ARIH1: variants seen among roughly 807,000 people sequenced by gnomAD.
ARIH1 encodes the protein ariadne RBR E3 ubiquitin protein ligase 1.
Under a neutral mutation model 85.0 loss-of-function variants are expected in ARIH1, and 8 were observed. That is an observed-to-expected ratio of 0.09 (90% confidence interval 0.06 to 0.17). The LOEUF is 0.17. ARIH1 is among the 10% of genes least tolerant of loss of function. ARIH1 has a pLI of 1.00. For missense variants in ARIH1, 311 were observed against 718.1 expected (o/e 0.43, Z 6.48); for synonymous variants, 238 against 253.6 (o/e 0.94, Z 0.59).
intron 2 of ARIH1, among the ~76,000 whole-genome samples, chr15:72,538,423 T>A (rs1260985162): frequency 6.6e-6 from 1 of 152,244 alleles, no homozygotes; most frequent in African/African-American, 2.4e-5. Context: ...TATCTTTAAA[T>A]TGGTTTTACA....
At chr15:72,512,778 G>A (rs2063956102) in intron 1 of ARIH1, among the ~76,000 whole-genome samples, 1 of 151,686 alleles carries the variant, frequency 6.6e-6, no homozygotes. Flanking sequence ...CTTGGATTTA[G>A]CAAAAGATGG....
At position 72,562,124 on chromosome 15, in the gene ARIH1, A is replaced by G. The variant is rs532747627; in HGVS notation, c.804+575A>G. Among the ~76,000 whole-genome samples, 5 of 152,194 alleles carry G rather than the reference A, an allele frequency of 3.3e-5. No homozygotes were observed. The South Asian group carries it at 1.0e-3, about 32-fold the overall frequency. On this transcript the variant is annotated intron_variant, in intron 6 of 13. Transcript: ENST00000379887. ...AGCTGAGAATTGTAGTAGATTACTA[A>G]TCGTGTCATGTTTAATCATGTTTGA...
chr15:72,549,877 A>G (rs1329007000), intron 3 of ARIH1, among the ~76,000 whole-genome samples: 3 of 152,136 alleles, frequency 2.0e-5, no homozygotes, highest in Non-Finnish European at 2.9e-5. Flanking sequence ...ATAAACAGGG[A>G]TAAGTTTAGT....
chr15:72,486,674 T>C (rs1368871134), intron 1 of ARIH1, among the ~76,000 whole-genome samples: 4 of 150,442 alleles, frequency 2.7e-5, no homozygotes, highest in Non-Finnish European at 5.9e-5. Flanking sequence ...ACTTTTTTTT[T>C]TTTTCATTTT....
Position 72,586,869 on chromosome 15 carries a change from T to C in ARIH1, c.*3577T>C, listed in dbSNP as rs1000923680. The C allele has an allele frequency of 6.2e-6, 1 of 160,700 alleles. No individual in the cohort carries two copies. Among genetic ancestry groups the C allele is most frequent in the African/African-American group, 2.4e-5 (1 of 41,494 alleles). 10.0% of individuals were successfully genotyped at this position (160,700 alleles called of 1,614,324 possible). On this transcript the variant is annotated 3_prime_UTR_variant, in exon 14 of 14. Transcript: ENST00000379887. ...GCCACTTTTTTTAAAGAAAATACTT[T>C]AAAAGTCATTCTTAGCTAACCTCAA... is the stretch of plus-strand genomic sequence containing the variant.
At chr15:72,578,470 T>C (rs2064281384) in intron 11 of ARIH1, among the ~76,000 whole-genome samples, 2 of 152,082 alleles carry the variant, frequency 1.3e-5, no homozygotes, top group Admixed American at 1.3e-4. Context: ...TCTGTAAGAG[T>C]TTGTGTGCAT....
chr15:72,593,059 C>T lies in ARIH1; in HGVS notation c.*9767C>T, dbSNP rs2064349280. The T allele has an allele frequency of 6.6e-6, 1 of 152,186 alleles. No individual in the cohort carries two copies. The highest frequency in any genetic ancestry group is 1.5e-5 in the Non-Finnish European group (1 of 68,000). 9.4% of individuals were successfully genotyped at this position (152,186 alleles called of 1,614,324 possible). A position where few individuals can be genotyped will look rare whatever the true frequency, so the allele number is the denominator to read the frequency against. On this transcript the variant is annotated 3_prime_UTR_variant, in exon 14 of 14. Transcript: ENST00000379887. Reference sequence around the variant, plus strand: ...ATGTATGAGAGTTACAGTTGCTTCACATGTCTGTCAACATTTACACTGTCA... The same window carrying T: ...ATGTATGAGAGTTACAGTTGCTTCATATGTCTGTCAACATTTACACTGTCA...
chr15:72,544,894 G>A lies in ARIH1; in HGVS notation c.518G>A (p.Arg173His), dbSNP rs969696237. 6.2e-7 allele frequency: 1 copy of A among 1,613,626 alleles called. No homozygotes were observed. Among genetic ancestry groups the A allele is most frequent in the Non-Finnish European group, 8.5e-7 (1 of 1,179,636 alleles). The part of the protein sequence containing the change: ...VINPSKKSRT[R>H]QMNTRSSAQD... ...AATCCAAGTAAAAAGTCTCGAACAC[G>A]CCAGATGAATACAAGGTCATCAGCA... Residue 173 changes from arginine (R) to histidine (H), a missense_variant, in exon 3 of 14, where the codon CGC becomes CAC. Arg to His is a conservative substitution (Grantham distance 29). Around this residue, in one of 3 missense-constraint regions of ARIH1, gnomAD observed 104 missense variants for 221.4 expected, o/e 0.47. Coordinates refer to ENST00000379887, the MANE Select transcript of ARIH1 (RefSeq NM_005744.5).
At position 72,474,712 on chromosome 15, in the gene ARIH1, G is replaced by C. The variant is rs1327083729; in HGVS notation, c.73G>C (p.Glu25Gln). The C allele has an allele frequency of 1.3e-6, 2 of 1,525,876 alleles. No homozygotes were observed. Among genetic ancestry groups the C allele is most frequent in the Non-Finnish European group, 1.8e-6 (2 of 1,134,672 alleles). The allele number at this position is 1,525,876 out of a possible 1,614,324, so 94.5% of individuals were successfully genotyped here. ...GTGCAGTGAGGAGGACAGCGGCGCCGAGGAGGAGGAGGACGAAGACGACGA... is the reference window on the plus strand; with the variant it reads ...GTGCAGTGAGGAGGACAGCGGCGCCCAGGAGGAGGAGGACGAAGACGACGA... The part of the protein sequence containing the change: ...EECSEEDSGA[E>Q]EEEDEDDDEP... The change falls in exon 1 of 14, where the codon GAG becomes CAG. Residue 25 changes from glutamate (E) to glutamine (Q), a missense_variant. Coordinates refer to ENST00000379887, the MANE Select transcript of ARIH1 (RefSeq NM_005744.5).
chr15:72,506,732 G>A (rs528594831), intron 1 of ARIH1, among the ~76,000 whole-genome samples: 2 of 152,126 alleles, frequency 1.3e-5, no homozygotes, highest in South Asian at 4.1e-4. Context: ...GAGGTTTAAG[G>A]TGGTGCCTCT....
In ARIH1 at chr15:72,582,451, G is replaced by T. The variant is rs952258769; in HGVS notation, c.1589+264G>T. 3.9e-5 allele frequency among the ~76,000 whole-genome samples: 6 copies of T among 152,108 alleles called. No homozygotes were observed. The highest frequency in any genetic ancestry group is 9.7e-5 in the African/African-American group (4 of 41,444). ...TAGTTGCTACCTTGCAAGGAAGAAA[G>T]AATCCAAAAAGGCCAAGTGGCCTTT... On this transcript the variant is annotated intron_variant, in intron 13 of 13. Transcript: ENST00000379887. The surrounding 1 kb of genome is among the most constrained non-coding windows in gnomAD (Gnocchi z 4.6).
intron 2 of ARIH1, among the ~76,000 whole-genome samples, chr15:72,537,435 C>T (rs908880444): frequency 6.6e-6 from 1 of 152,092 alleles, no homozygotes; most frequent in East Asian, 1.9e-4. Flanking sequence ...AAATAGTGCT[C>T]CAAACCCTCA....
intron 2 of ARIH1, among the ~76,000 whole-genome samples, chr15:72,535,098 C>T (rs1358262452): frequency 6.7e-6 from 1 of 150,364 alleles, no homozygotes; most frequent in Non-Finnish European, 1.5e-5. Flanking sequence ...ACTACAGGCG[C>T]CCGCCACCTC....
intron 1 of ARIH1, among the ~76,000 whole-genome samples, chr15:72,496,180 A>G (rs1357612784): frequency 2.6e-5 from 4 of 152,166 alleles, no homozygotes; most frequent in African/African-American, 4.8e-5. Flanking sequence ...TTGGGATTAC[A>G]AGCTTGAGCC....
intron 1 of ARIH1, among the ~76,000 whole-genome samples, chr15:72,508,196 G>A (rs1272408465): frequency 2.0e-5 from 3 of 152,210 alleles, no homozygotes; most frequent in Admixed American, 6.5e-5. Context: ...TAGACAAGAT[G>A]TAAGGTTTTA....
At chr15:72,567,241 G>A in intron 9 of ARIH1, 64 bp downstream of exon 9, 1 of 1,357,544 alleles carries the variant, frequency 7.4e-7, no homozygotes, top group Non-Finnish European at 1.0e-6. Flanking sequence ...TTTGGCATTA[G>A]CAAAAGCAAT....
rs1040270648 is a variant in ARIH1 at position 72,488,186 on chromosome 15, C to T, written c.375+13172C>T. 2.6e-5 allele frequency among the ~76,000 whole-genome samples: 4 copies of T among 152,116 alleles called. No homozygotes were observed. In the South Asian group the frequency reaches 6.2e-4, roughly 24 times the overall value. ...GAGTAGCTGGGACTACAGTTGCATGCCACTACACCTGGCTAATTTTTTGTA... is the reference window on the plus strand; with the variant it reads ...GAGTAGCTGGGACTACAGTTGCATGTCACTACACCTGGCTAATTTTTTGTA... On this transcript the variant is annotated intron_variant, in intron 1 of 13. Coordinates refer to ENST00000379887, the MANE Select transcript of ARIH1 (RefSeq NM_005744.5).
chr15:72,552,351 G>A (rs556589400), intron 3 of ARIH1, among the ~76,000 whole-genome samples: 1 of 152,122 alleles, frequency 6.6e-6, no homozygotes, highest in South Asian at 2.1e-4. Context: ...GCAAAGGTGC[G>A]ATCTTGGCTC....
intron 1 of ARIH1, among the ~76,000 whole-genome samples, chr15:72,482,406 T>C (rs1245799483): frequency 6.6e-6 from 1 of 152,186 alleles, no homozygotes; most frequent in African/African-American, 2.4e-5. Context: ...TAGATACTCA[T>C]GGAAGAGACC....
Sources: gnomAD v4.1 joint callset for allele counts (sites outside exome capture counted in the v4.1 genomes callset) on GRCh38, gnomAD v4.1.1 for gene constraint, gnomAD v4.1.1 regional missense constraint, Gnocchi (gnomAD v3.1) non-coding constraint, MANE v1.5 for transcripts, NCBI Gene and HGNC (gene_info 2026-07-23, HGNC 2026-07-21) for gene names.